AGAP1: variants seen among roughly 807,000 people sequenced by gnomAD.
The protein encoded by AGAP1 is ArfGAP with GTPase domain, ankyrin repeat and PH domain 1.
In AGAP1, 29 loss-of-function variants were observed where a neutral mutation model predicts 105.3. The ratio of observed to expected loss-of-function variants is 0.28; its 90% CI spans 0.21 to 0.38. The LOEUF is 0.38. AGAP1 is among the 10% of genes least tolerant of loss of function. AGAP1 has a pLI of 1.00. For synonymous variants in AGAP1, 509 were observed against 485.9 expected (o/e 1.05, Z -0.63); for missense variants, 998 against 1,165.1 (o/e 0.86, Z 2.09).
chr2:235,904,559 C>T lies in AGAP1; in HGVS notation c.1156-4179C>T, dbSNP rs967115435. On this transcript the variant is annotated intron_variant, in intron 10 of 17. Transcript: ENST00000304032. The surrounding 1 kb of genome is among the most constrained non-coding windows in gnomAD (Gnocchi z 4.2). The stretch of plus-strand genomic sequence containing the variant: ...TAAAGGGTTTTTCCTCTTTTATCTT[C>T]GATCAGCATTTTCAACAAGGAACAT... Among the ~76,000 whole-genome samples the T allele has an allele frequency of 1.3e-5, 2 of 152,078 alleles. No individual in the cohort carries two copies. The highest frequency in any genetic ancestry group is 2.4e-5 in the African/African-American group (1 of 41,412).
rs1470379105 is a variant in AGAP1 at position 235,934,039 on chromosome 2, A to AG, written c.1483+3120dup. The stretch of plus-strand genomic sequence containing the variant: ...CACTTGCTCAAAGTCACATCCTGTG[A>AG]GGGGCCAGGATTCAAACTCAGGTGG... On this transcript the variant is annotated intron_variant, in intron 12 of 17. Transcript: ENST00000304032. This position sits in a 1 kb window ranked among gnomAD's most constrained non-coding sequence, Gnocchi z 4.9. 6.6e-6 allele frequency among the ~76,000 whole-genome samples: 1 copy of AG among 152,190 alleles called. No homozygotes were observed. The highest frequency in any genetic ancestry group is 1.5e-5 in the Non-Finnish European group (1 of 68,040).
At chr2:235,696,687 C>G (rs1482767048) in intron 1 of AGAP1, among the ~76,000 whole-genome samples, 1 of 152,166 alleles carries the variant, frequency 6.6e-6, no homozygotes, top group Non-Finnish European at 1.5e-5. Flanking sequence ...ACCATGCTAT[C>G]GCTGCCCCTT....
At chr2:235,686,959 G>A (rs994769430) in intron 1 of AGAP1, among the ~76,000 whole-genome samples, 5 of 151,606 alleles carry the variant, frequency 3.3e-5, no homozygotes, top group African/African-American at 1.2e-4. Flanking sequence ...CACTGGGCTT[G>A]GCTTAGGAAG....
intron 13 of AGAP1, among the ~76,000 whole-genome samples, chr2:235,997,543 G>A (rs1466211002): frequency 6.6e-6 from 1 of 151,746 alleles, no homozygotes; most frequent in Non-Finnish European, 1.5e-5. Flanking sequence ...GCCCTGTCTT[G>A]TGCCTTCCAC....
intron 1 of AGAP1, among the ~76,000 whole-genome samples, chr2:235,581,704 G>C (rs1430483593): frequency 6.6e-6 from 1 of 152,066 alleles, no homozygotes; most frequent in East Asian, 1.9e-4. Context: ...TACTCAAGAG[G>C]CTGAGGCAGA....
chr2:235,968,580 C>T lies in AGAP1; in HGVS notation c.1602C>T (p.Ser534=), dbSNP rs773242986. 1.4e-6 allele frequency: 2 copies of T among 1,408,776 alleles called. No individual in the cohort carries two copies. Among genetic ancestry groups the T allele is most frequent in the Non-Finnish European group, 1.9e-6 (2 of 1,054,078 alleles). 87.3% of individuals were successfully genotyped at this position (1,408,776 alleles called of 1,614,324 possible). ...ANRKKHRRKK[S]TSNFKADGLS... Reference sequence around the variant, plus strand: ...GAAAGAAGCACCGAAGGAAGAAAAGCACTAGCAACTTCAAAGCCGACGGCC... The same window carrying T: ...GAAAGAAGCACCGAAGGAAGAAAAGTACTAGCAACTTCAAAGCCGACGGCC... The change falls in exon 13 of 18, where the codon AGC becomes AGT. Residue 534 remains serine (S), a synonymous_variant. Coordinates refer to ENST00000304032, the MANE Select transcript of AGAP1 (RefSeq NM_001037131.3).
intron 11 of AGAP1, among the ~76,000 whole-genome samples, chr2:235,922,718 A>T (rs2052241119): frequency 6.6e-6 from 1 of 152,222 alleles, no homozygotes; most frequent in Non-Finnish European, 1.5e-5. Flanking sequence ...TGGTGGATGA[A>T]AACATTCTTG....
rs1215208215 is a variant in AGAP1, at chr2:236,129,758, G to T, written c.*5636G>T. 3.3e-5 allele frequency: 5 copies of T among 152,150 alleles called. No individual in the cohort carries two copies. Among genetic ancestry groups the T allele is most frequent in the African/African-American group, 1.2e-4 (5 of 41,418 alleles). The allele number at this position is 152,150 out of a possible 1,614,324, so 9.4% of individuals were successfully genotyped here. On this transcript the variant is annotated 3_prime_UTR_variant, in exon 18 of 18. Transcript: ENST00000304032. The surrounding 1 kb of genome is among the most constrained non-coding windows in gnomAD (Gnocchi z 6.2). ...GCGGCTTTCTTCGCGTCACATGTCC[G>T]CATTGGCAGGTGATTCTGGAAAGGG... is the stretch of plus-strand genomic sequence containing the variant.
At position 235,750,478 on chromosome 2, in the gene AGAP1, C is replaced by T; in HGVS notation, c.663C>T (p.Val221=). 2 of 1,614,178 alleles carry T rather than the reference C, an allele frequency of 1.2e-6. No individual in the cohort carries two copies. Among genetic ancestry groups the T allele is most frequent in the Non-Finnish European group, 8.5e-7 (1 of 1,180,014 alleles). ...CATYGLNVER[V]FQDVAQKIVA... ...CATACGGGCTGAATGTGGAGAGGGT[C>T]TTCCAGGACGGTAAATGCGCGTGGC... Residue 221 remains valine, a synonymous_variant, in exon 6 of 18, where the codon GTC becomes GTT. Transcript: ENST00000304032. The surrounding 1 kb of genome is among the most constrained non-coding windows in gnomAD (Gnocchi z 5.3).
intron 10 of AGAP1, among the ~76,000 whole-genome samples, chr2:235,899,521 T>C (rs187380278): frequency 2.6e-5 from 4 of 152,244 alleles, no homozygotes; most frequent in Non-Finnish European, 4.4e-5. Flanking sequence ...CTTAAAAATA[T>C]ATATATACTG....
rs931682116 is a variant in AGAP1, at chr2:235,934,919, T to C, written c.1483+3996T>C. ...CCCCCGTCCACCCTAAATTAAGACT[T>C]TGGCTCTGGAGAACTTTTCAAAGTC... On this transcript the variant is annotated intron_variant, in intron 12 of 17. Transcript: ENST00000304032. The surrounding 1 kb of genome is among the most constrained non-coding windows in gnomAD (Gnocchi z 4.9). Among the ~76,000 whole-genome samples, 1 of 152,130 alleles carries C rather than the reference T, an allele frequency of 6.6e-6. No individual in the cohort carries two copies. Among genetic ancestry groups the C allele is most frequent in the Non-Finnish European group, 1.5e-5 (1 of 68,028 alleles).
chr2:235,678,934 C>T (rs1267872585), intron 1 of AGAP1, among the ~76,000 whole-genome samples: 1 of 152,220 alleles, frequency 6.6e-6, no homozygotes, highest in Non-Finnish European at 1.5e-5. Flanking sequence ...TGCCATTTGT[C>T]TTCTGGGCAT....
At position 235,801,172 on chromosome 2, in the gene AGAP1, C is replaced by T. The variant is rs78784596; in HGVS notation, c.957+1650C>T. ...TCCCACAGAGGCCACTGCTGGGCAGCAGGGTGAGGACTGATCAGACAGACC... is the reference window on the plus strand; with the variant it reads ...TCCCACAGAGGCCACTGCTGGGCAGTAGGGTGAGGACTGATCAGACAGACC... On this transcript the variant is annotated intron_variant, in intron 8 of 17. Coordinates refer to ENST00000304032, the MANE Select transcript of AGAP1 (RefSeq NM_001037131.3). This position sits in a 1 kb window ranked among gnomAD's most constrained non-coding sequence, Gnocchi z 6.0. Among the ~76,000 whole-genome samples, 11 of 152,292 alleles carry T rather than the reference C, an allele frequency of 7.2e-5. No individual in the cohort carries two copies. The East Asian group carries it at 2.1e-3, about 30-fold the overall frequency.
chr2:235,998,866 A>C (rs1202536730), intron 13 of AGAP1, among the ~76,000 whole-genome samples: 1 of 136,058 alleles, frequency 7.3e-6, no homozygotes, highest in Non-Finnish European at 1.6e-5. Context: ...CCATGGTGAG[A>C]GTTGGTGGTG....
rs1221710999 is a variant in AGAP1 at position 235,553,135 on chromosome 2, G to A, written c.163+58286G>A. 2.0e-5 allele frequency among the ~76,000 whole-genome samples: 3 copies of A among 152,216 alleles called. No homozygotes were observed. Among genetic ancestry groups the A allele is most frequent in the African/African-American group, 7.2e-5 (3 of 41,454 alleles). On this transcript the variant is annotated intron_variant, in intron 1 of 17. Transcript: ENST00000304032. The surrounding 1 kb of genome is among the most constrained non-coding windows in gnomAD (Gnocchi z 4.5). ...CTCACCACTCGAAAGCCAGACTTGA[G>A]AGACAAGGGTTGGTGGGAGAAACAG...
At chr2:235,937,921 T>A (rs2053069254) in intron 12 of AGAP1, among the ~76,000 whole-genome samples, 1 of 152,202 alleles carries the variant, frequency 6.6e-6, no homozygotes, top group South Asian at 2.1e-4. Flanking sequence ...AAAGTTTCGC[T>A]TCCTTGGCCC....
rs1376321199 is a variant in AGAP1, at chr2:235,566,130, C to T, written c.163+71281C>T. Among the ~76,000 whole-genome samples, 4 of 151,946 alleles carry T rather than the reference C, an allele frequency of 2.6e-5. No homozygotes were observed. Among genetic ancestry groups the T allele is most frequent in the Admixed American group, 6.6e-5 (1 of 15,238 alleles). On this transcript the variant is annotated intron_variant, in intron 1 of 17. Transcript: ENST00000304032. This position sits in a 1 kb window ranked among gnomAD's most constrained non-coding sequence, Gnocchi z 5.2. ...TATTTGAGGTGGAGTTTCACTCTGT[C>T]GCCCAGGCTAGAGTGCAGTGGCGCA...
At chr2:235,685,322 AG>A (rs1949322923) in intron 1 of AGAP1, among the ~76,000 whole-genome samples, 1 of 151,630 alleles carries the variant, frequency 6.6e-6, no homozygotes, top group Admixed American at 6.6e-5. Flanking sequence ...GCCTCCTTCC[AG>A]GGGCTCTCAG....
chr2:235,585,973 T>G (rs2149199813), intron 1 of AGAP1, among the ~76,000 whole-genome samples: 1 of 152,208 alleles, frequency 6.6e-6, no homozygotes, highest in Middle Eastern at 3.4e-3. Flanking sequence ...AATTCTCAGG[T>G]TTCAGGGTTG....
Sources: gnomAD v4.1 joint callset for allele counts (sites outside exome capture counted in the v4.1 genomes callset) on GRCh38, gnomAD v4.1.1 for gene constraint, Gnocchi (gnomAD v3.1) non-coding constraint, MANE v1.5 for transcripts, NCBI Gene and HGNC (gene_info 2026-07-23, HGNC 2026-07-21) for gene names.